The following ADGRL2 variants were observed in gnomAD, a reference collection of about 807,000 sequenced individuals.
ADGRL2 encodes the protein calcium-independent alpha-latrotoxin receptor 2.
In ADGRL2, 44 loss-of-function variants were observed where a neutral mutation model predicts 157.4. The ratio of observed to expected loss-of-function variants is 0.28; its 90% confidence interval spans 0.22 to 0.36. The LOEUF (loss-of-function observed/expected upper bound fraction) is 0.36. Ranked by LOEUF, ADGRL2 falls within the 10% of genes least tolerant of loss-of-function variation. The pLI is 1.00. For missense variants in ADGRL2, 1,510 were observed against 1,768.9 expected, an observed-to-expected ratio of 0.85 and a Z score of 2.63; for synonymous variants, 585 against 624.7, an observed-to-expected ratio of 0.94 and a Z score of 0.95.
chr1:81,761,598 G>A (rs1170625615), intron 1 of ADGRL2, among the ~76,000 whole-genome samples: 3 of 151,840 alleles, frequency 2.0e-5, no homozygotes, highest in African/African-American at 7.2e-5. Context: ...GTTTATTCCT[G>A]TATTTGAAAG....
At chr1:81,339,644 C>CCATAAAATAAGTAT (rs1553154965) in intron 1 of ADGRL2, among the ~76,000 whole-genome samples, 8 of 151,948 alleles carry the variant, frequency 5.3e-5, no homozygotes, top group Non-Finnish European at 1.2e-4. Flanking sequence ...TATGTTGTTT[C>CCATAAAATAAGTAT]CCAGGACTTG....
At chr1:81,750,505 T>C (rs1198613041) in intron 1 of ADGRL2, among the ~76,000 whole-genome samples, 1 of 151,998 alleles carries the variant, frequency 6.6e-6, no homozygotes, top group Non-Finnish European at 1.5e-5. Context: ...GATCACAAGG[T>C]CAGGATTTCA....
Position 81,657,009 on chromosome 1 carries a change from C to CAAA in ADGRL2, c.-143+76047_-143+76049dup, listed in dbSNP as rs11383698. ...TAGGTGATGGAGTGAGACCCTGTCT[C>CAAA]AAAAAAAAAAAAAAAAAAAATTCAG... On this transcript the variant is annotated intron_variant, in intron 3 of 24. Transcript: ENST00000370721. Among the ~76,000 whole-genome samples, 671 of 109,192 alleles carry CAAA rather than the reference C, an allele frequency of 6.1e-3. 10 individuals are homozygous for CAAA. The highest frequency in any genetic ancestry group is 0.022 in the African/African-American group (616 of 27,692). 71.6% of individuals were successfully genotyped at this position (109,192 alleles called of 152,430 possible).
chr1:81,754,410 T>G (rs1335505738), intron 1 of ADGRL2, among the ~76,000 whole-genome samples: 1 of 151,032 alleles, frequency 6.6e-6, no homozygotes, highest in African/African-American at 2.4e-5. Flanking sequence ...TGAGCCACCA[T>G]GCCCGGCTTT....
chr1:81,452,886 A>T (rs4650551), intron 2 of ADGRL2, among the ~76,000 whole-genome samples: 72,413 of 152,016 alleles, frequency 0.48, 19,318 homozygotes, highest in Non-Finnish European at 0.59. Context: ...GGCAATGGGA[A>T]CTCAAGAGGA....
intron 2 of ADGRL2, among the ~76,000 whole-genome samples, chr1:81,899,754 G>A (rs927214471): frequency 1.3e-5 from 2 of 152,002 alleles, no homozygotes; most frequent in South Asian, 2.1e-4. Context: ...CTGAAAATAC[G>A]GCTTGGAATG....
intron 2 of ADGRL2, among the ~76,000 whole-genome samples, chr1:81,576,703 T>C (rs2080804669): frequency 6.6e-6 from 1 of 151,916 alleles, no homozygotes; most frequent in African/African-American, 2.4e-5. Context: ...TGGCAACCAG[T>C]GTTCTTCTTC....
At chr1:81,485,338 A>T (rs1253115341) in intron 2 of ADGRL2, among the ~76,000 whole-genome samples, 2 of 152,142 alleles carry the variant, frequency 1.3e-5, no homozygotes, top group Non-Finnish European at 2.9e-5. Flanking sequence ...AATTAACTCC[A>T]ATAAAAAGCC....
intron 3 of ADGRL2, among the ~76,000 whole-genome samples, chr1:81,929,217 T>G (rs1218113301): frequency 6.6e-6 from 1 of 152,112 alleles, no homozygotes; most frequent in African/African-American, 2.4e-5. Context: ...GAAATTTTCT[T>G]AATTTATATT....
chr1:81,321,006 C>A (rs1660463872), intron 1 of ADGRL2, among the ~76,000 whole-genome samples: 1 of 152,180 alleles, frequency 6.6e-6, no homozygotes, highest in Non-Finnish European at 1.5e-5. Context: ...CATTGAATAT[C>A]TTTTTAGCAT....
At chr1:81,641,661 T>G (rs1292850988) in intron 3 of ADGRL2, among the ~76,000 whole-genome samples, 1 of 152,158 alleles carries the variant, frequency 6.6e-6, no homozygotes. Flanking sequence ...TTTGAAAATT[T>G]GTGGGATGCA....
At chr1:81,740,617 C>T (rs1430135678) in intron 1 of ADGRL2, among the ~76,000 whole-genome samples, 1 of 152,062 alleles carries the variant, frequency 6.6e-6, no homozygotes, top group Non-Finnish European at 1.5e-5. Context: ...TACACGGGTA[C>T]ATGTCTCAAA....
At chr1:81,448,708 C>CA (rs1385813416) in intron 2 of ADGRL2, among the ~76,000 whole-genome samples, 1 of 151,550 alleles carries the variant, frequency 6.6e-6, no homozygotes, top group East Asian at 1.9e-4. Context: ...AACAGACAAA[C>CA]AAAAAAACAA....
At chr1:81,778,057 A>C (rs2086658091) in intron 2 of ADGRL2, among the ~76,000 whole-genome samples, 1 of 152,116 alleles carries the variant, frequency 6.6e-6, no homozygotes, top group African/African-American at 2.4e-5. Flanking sequence ...GCGGTGGCTC[A>C]CGCCTGTAAT....
chr1:81,608,863 T>C (rs1312394444), intron 3 of ADGRL2, among the ~76,000 whole-genome samples: 1 of 152,146 alleles, frequency 6.6e-6, no homozygotes, highest in Admixed American at 6.6e-5. Context: ...TATTCTCTTT[T>C]TGGAAATTTA....
intron 1 of ADGRL2, among the ~76,000 whole-genome samples, chr1:81,711,339 A>G (rs1311585111): frequency 1.3e-5 from 2 of 152,222 alleles, no homozygotes; most frequent in African/African-American, 4.8e-5. Flanking sequence ...GTTGCTTTTT[A>G]AAGTAAAAAT....
At chr1:81,485,077 A>G (rs966055145) in intron 2 of ADGRL2, among the ~76,000 whole-genome samples, 5 of 152,116 alleles carry the variant, frequency 3.3e-5, no homozygotes, top group Admixed American at 6.6e-5. Flanking sequence ...GCAATATTCA[A>G]ATGTCTCAAA....
At chr1:81,657,064 T>C (rs999555181) in intron 3 of ADGRL2, among the ~76,000 whole-genome samples, 2 of 150,248 alleles carry the variant, frequency 1.3e-5, no homozygotes, top group Non-Finnish European at 3.0e-5. Context: ...CAGGGAAAGA[T>C]GACAATTCAA....
intron 2 of ADGRL2, among the ~76,000 whole-genome samples, chr1:81,515,910 G>A (rs559838179): frequency 6.6e-6 from 1 of 151,972 alleles, no homozygotes; most frequent in East Asian, 1.9e-4. Context: ...GCTGTATATA[G>A]TTCATTGTTT....
Sources: gnomAD v4.1 joint callset for allele counts (sites outside exome capture counted in the v4.1 genomes callset) on GRCh38, gnomAD v4.1.1 for gene constraint, MANE v1.5 for transcripts, NCBI Gene and HGNC (gene_info 2026-07-23, HGNC 2026-07-21) for gene names.